The following MED13 variants were observed in gnomAD, a reference collection of about 807,000 sequenced individuals.
MED13 encodes the protein mediator of RNA polymerase II transcription subunit 13.
In MED13, 23 loss-of-function variants were observed where a neutral mutation model predicts 225.2. The ratio of observed to expected loss-of-function variants is 0.10; its 90% CI spans 0.07 to 0.14. The LOEUF (loss-of-function observed/expected upper bound fraction) is 0.14, where lower values mean the gene tolerates loss of function less well. Ranked by LOEUF, MED13 falls within the 10% of genes least tolerant of loss-of-function variation. MED13 has a pLI of 1.00. For synonymous variants in MED13, 942 were observed against 889.2 expected, an observed-to-expected ratio of 1.06 and a Z score of -1.06; for missense variants, 2,197 against 2,594.5, an observed-to-expected ratio of 0.85 and a Z score of 3.33.
chr17:62,054,202 G>C (rs923280922), intron 2 of MED13, among the ~76,000 whole-genome samples: 3 of 151,980 alleles, frequency 2.0e-5, no homozygotes, highest in African/African-American at 7.3e-5. Flanking sequence ...AGCTACTCGG[G>C]AGGCTGAGGT....
chr17:61,960,116 C>T (rs560302776), intron 23 of MED13, among the ~76,000 whole-genome samples: 6 of 152,234 alleles, frequency 3.9e-5, no homozygotes, highest in Admixed American at 1.3e-4. Flanking sequence ...AAACATGTTT[C>T]AAGTCTCTAC....
In MED13 at chr17:61,982,558, T is replaced by G; in HGVS notation, c.3445A>C (p.Ile1149Leu). 6.2e-7 allele frequency: 1 copy of G among 1,614,236 alleles called. No individual in the cohort carries two copies. The change falls in exon 16 of 30, where the codon ATA becomes CTA. Residue 1149 changes from isoleucine (I) to leucine (L), a missense_variant. Around this residue, in one of 12 missense-constraint regions of MED13, gnomAD observed 203 missense variants for 209.7 expected, o/e 0.97. Transcript: ENST00000397786. ...TTGCCACAGTCTGTATTGCGTCCTA[T>G]GATATCTAGTTCATCTTCAAGAAAT... ...GLFLEDELDI[I>L]GRNTDCGKEA...
Position 62,010,712 on chromosome 17 carries a change from G to A in MED13, c.1805C>T (p.Thr602Ile), listed in dbSNP as rs1262727267. 1.3e-6 allele frequency: 2 copies of A among 1,596,028 alleles called. No homozygotes were observed. Residue 602 changes from threonine (T) to isoleucine (I), a missense_variant, in exon 9 of 30, where the codon ACA becomes ATA. Thr to Ile is a moderately conservative substitution (Grantham distance 89, BLOSUM62 -1). Around this residue, in one of 12 missense-constraint regions of MED13, gnomAD observed 884 missense variants for 918.5 expected, o/e 0.96. Coordinates refer to ENST00000397786, the MANE Select transcript of MED13 (RefSeq NM_005121.3). ...TTCATCTTCTTCCAAGTTTACTGCT[G>A]TACCAACATATACTGTAGGTTCTAC... The part of the protein sequence containing the change: ...EAVEPTVYVG[T>I]AVNLEEDEAN...
At chr17:62,024,295 G>C (rs748257582) in intron 8 of MED13, among the ~76,000 whole-genome samples, 3 of 152,188 alleles carry the variant, frequency 2.0e-5, no homozygotes, top group Non-Finnish European at 4.4e-5. Context: ...TGGGATTACA[G>C]GCATAAGCCA....
chr17:62,029,189 T>C (rs1007632624), intron 8 of MED13: 21 of 181,218 alleles, frequency 1.2e-4, no homozygotes, highest in Admixed American at 2.5e-4. Flanking sequence ...TGGGATAAAT[T>C]TCTCAGGTAG....
chr17:61,978,289 C>T lies in MED13; in HGVS notation c.3805+3909G>A, dbSNP rs1603395881. The stretch of plus-strand genomic sequence containing the variant: ...TTTTCAGACCGAGTTTCACTCTTGT[C>T]GCCTGGGCTGGAGTACAATGGCAGG... On this transcript the variant is annotated intron_variant, in intron 16 of 29. Transcript: ENST00000397786. Among the ~76,000 whole-genome samples, 3 of 151,600 alleles carry T rather than the reference C, an allele frequency of 2.0e-5. 1 individual carries two copies. The South Asian group carries it at 6.2e-4, about 32-fold the overall frequency.
intron 8 of MED13, chr17:62,029,265 T>A (rs1452699145): frequency 4.7e-6 from 2 of 424,964 alleles, no homozygotes; most frequent in Non-Finnish European, 8.4e-6. Flanking sequence ...AGATACTATA[T>A]ATACCATAGC....
At chr17:61,975,780 C>T (rs1961771750) in intron 16 of MED13, among the ~76,000 whole-genome samples, 1 of 152,152 alleles carries the variant, frequency 6.6e-6, no homozygotes, top group South Asian at 2.1e-4. Flanking sequence ...CTTTGGGAGG[C>T]CGAGGCAGGC....
chr17:62,059,258 C>T (rs1022919664), intron 2 of MED13, among the ~76,000 whole-genome samples: 2 of 152,102 alleles, frequency 1.3e-5, no homozygotes, highest in Non-Finnish European at 2.9e-5. Flanking sequence ...CTGCATGACA[C>T]AAAGGAGCTA....
At chr17:61,995,082 G>GT in intron 10 of MED13, 70 bp downstream of exon 10, 1 of 999,110 alleles carries the variant, frequency 1.0e-6, no homozygotes, top group Non-Finnish European at 1.5e-6. Context: ...AACTGTGGTA[G>GT]TAAGAGTGTT....
intron 8 of MED13, among the ~76,000 whole-genome samples, chr17:62,012,220 A>T (rs1300079853): frequency 6.6e-6 from 1 of 151,960 alleles, no homozygotes; most frequent in Non-Finnish European, 1.5e-5. Flanking sequence ...CATCTCAAAA[A>T]AAACAAAAAC....
intron 3 of MED13, among the ~76,000 whole-genome samples, chr17:62,041,578 CT>C (rs879850849): frequency 5.2e-4 from 77 of 146,720 alleles, no homozygotes; most frequent in Non-Finnish European, 6.0e-4. Context: ...CTGTAGTCAT[CT>C]TTTTTTTTTT....
At chr17:61,954,013 G>C (rs1051887775) in intron 26 of MED13, among the ~76,000 whole-genome samples, 3 of 152,054 alleles carry the variant, frequency 2.0e-5, no homozygotes, top group African/African-American at 7.2e-5. Flanking sequence ...AACAATTATA[G>C]CAAGGTACTA....
intron 11 of MED13, among the ~76,000 whole-genome samples, chr17:61,990,541 A>AAT (rs1286524106): frequency 1.3e-5 from 2 of 150,068 alleles, no homozygotes; most frequent in South Asian, 2.1e-4. Context: ...AAAAAATGTA[A>AAT]ATATATATAT....
At chr17:62,023,000 T>A (rs985757989) in intron 8 of MED13, among the ~76,000 whole-genome samples, 2 of 151,926 alleles carry the variant, frequency 1.3e-5, no homozygotes, top group Non-Finnish European at 2.9e-5. Context: ...ACACAGCTAG[T>A]CTCTAAAAAA....
At chr17:62,020,157 A>G (rs536024337) in intron 8 of MED13, among the ~76,000 whole-genome samples, 1 of 151,988 alleles carries the variant, frequency 6.6e-6, no homozygotes, top group Non-Finnish European at 1.5e-5. Context: ...ATTTTTTCCT[A>G]TTGATGTTAG....
At chr17:62,023,252 A>G (rs1307145815) in intron 8 of MED13, among the ~76,000 whole-genome samples, 2 of 152,162 alleles carry the variant, frequency 1.3e-5, no homozygotes, top group East Asian at 1.9e-4. Flanking sequence ...AGAGAAGCCA[A>G]TGTTATCAGG....
At chr17:61,996,008 C>A (rs2080343841) in intron 9 of MED13, among the ~76,000 whole-genome samples, 2 of 152,220 alleles carry the variant, frequency 1.3e-5, no homozygotes, top group Middle Eastern at 3.4e-3. Context: ...TTCAACACAG[C>A]AACTAAGAAA....
chr17:61,985,274 ATTAAT>A (rs1406049800), intron 12 of MED13, among the ~76,000 whole-genome samples, 184 bp from the exon 13 acceptor site: 2 of 152,210 alleles, frequency 1.3e-5, no homozygotes, highest in African/African-American at 2.4e-5. Flanking sequence ...CTGACTCCAG[ATTAAT>A]TTATTTGGTA....
Sources: gnomAD v4.1 joint callset for allele counts (sites outside exome capture counted in the v4.1 genomes callset) on GRCh38, gnomAD v4.1.1 for gene constraint, gnomAD v4.1.1 regional missense constraint, MANE v1.5 for transcripts, NCBI Gene and HGNC (gene_info 2026-07-23, HGNC 2026-07-21) for gene names.